Variants in NALF1 observed in about 807,000 individuals in gnomAD.
NALF1 encodes the protein NALCN channel auxiliary factor 1.
A neutral mutation model predicts 48.4 loss-of-function variants in NALF1; 3 were observed. The ratio of observed to expected loss-of-function variants is 0.06; its 90% CI spans 0.03 to 0.16. NALF1 has a LOEUF of 0.16. Among genes scored for constraint, NALF1 ranks in the 10% least tolerant of loss-of-function variants. The pLI, the probability that NALF1 is intolerant of heterozygous loss-of-function variation, is 1.00. For missense variants in NALF1, 526 were observed against 571.5 expected, an observed-to-expected ratio of 0.92 and a Z score of 0.81; for synonymous variants, 262 against 245.7, an observed-to-expected ratio of 1.07 and a Z score of -0.62.
chr13:107,791,872 A>T (rs955810890), intron 1 of NALF1, among the ~76,000 whole-genome samples: 1 of 152,068 alleles, frequency 6.6e-6, no homozygotes, highest in African/African-American at 2.4e-5. Context: ...AGGCAGAAGA[A>T]TTGCTTGAAC....
intron 1 of NALF1, among the ~76,000 whole-genome samples, chr13:107,682,382 G>A (rs2138496929): frequency 6.6e-6 from 1 of 152,250 alleles, no homozygotes; most frequent in African/African-American, 2.4e-5. Flanking sequence ...CTCATCCTGA[G>A]GCTCTTCTAG....
At chr13:107,325,905 CACAT>C (rs1325879803) in intron 1 of NALF1, among the ~76,000 whole-genome samples, 7 of 135,518 alleles carry the variant, frequency 5.2e-5, no homozygotes, top group Admixed American at 1.5e-4. Context: ...CACACACACA[CACAT>C]ATATACATAT....
intron 1 of NALF1, among the ~76,000 whole-genome samples, chr13:107,636,227 T>A (rs1879972984): frequency 6.6e-6 from 1 of 152,124 alleles, no homozygotes; most frequent in Non-Finnish European, 1.5e-5. Flanking sequence ...CACGGCCGAA[T>A]TATTGAATCC....
At chr13:107,244,306 C>T (rs1400640634) in intron 1 of NALF1, among the ~76,000 whole-genome samples, 1 of 152,174 alleles carries the variant, frequency 6.6e-6, no homozygotes, top group East Asian at 1.9e-4. Flanking sequence ...TTCAAAGAGG[C>T]ACACCATTGA....
At chr13:107,659,499 AT>A (rs1399767988) in intron 1 of NALF1, among the ~76,000 whole-genome samples, 1 of 120,096 alleles carries the variant, frequency 8.3e-6, no homozygotes, top group Non-Finnish European at 1.7e-5. Flanking sequence ...CCCCTATAGC[AT>A]TTATTTGGCA....
chr13:107,456,573 C>T (rs1212913756), intron 1 of NALF1, among the ~76,000 whole-genome samples: 1 of 152,172 alleles, frequency 6.6e-6, no homozygotes, highest in Non-Finnish European at 1.5e-5. Context: ...ATGGAGAAAA[C>T]TTTCCCACCC....
At chr13:107,259,909 T>C (rs1880897488) in intron 1 of NALF1, among the ~76,000 whole-genome samples, 1 of 152,214 alleles carries the variant, frequency 6.6e-6, no homozygotes, top group Non-Finnish European at 1.5e-5. Context: ...CTACACTCCA[T>C]GAGAGCAAGC....
intron 1 of NALF1, among the ~76,000 whole-genome samples, chr13:107,235,974 G>T (rs867092428): frequency 1.3e-5 from 2 of 152,154 alleles, no homozygotes; most frequent in Non-Finnish European, 2.9e-5. Context: ...ATTGTAGAAC[G>T]TGAAGTCATT....
At chr13:107,678,269 C>T (rs1266932271) in intron 1 of NALF1, among the ~76,000 whole-genome samples, 2 of 152,088 alleles carry the variant, frequency 1.3e-5, no homozygotes, top group South Asian at 2.1e-4. Context: ...GTGTGCTCAG[C>T]GTATGGCCGG....
intron 1 of NALF1, among the ~76,000 whole-genome samples, chr13:107,793,133 G>T (rs886738124): frequency 6.6e-6 from 1 of 152,120 alleles, no homozygotes; most frequent in Non-Finnish European, 1.5e-5. Context: ...ACATTAATAA[G>T]AGACAGTTGA....
chr13:107,634,957 T>C (rs1879934710), intron 1 of NALF1, among the ~76,000 whole-genome samples: 1 of 152,152 alleles, frequency 6.6e-6, no homozygotes. Flanking sequence ...AGATTATAGT[T>C]ACACAAACAA....
intron 1 of NALF1, among the ~76,000 whole-genome samples, chr13:107,694,237 G>T (rs1036128146): frequency 6.6e-6 from 1 of 152,146 alleles, no homozygotes; most frequent in Non-Finnish European, 1.5e-5. Context: ...CTCGATCCAT[G>T]TTTTCAAATC....
chr13:107,800,204 G>A (rs183076330), intron 1 of NALF1, among the ~76,000 whole-genome samples: 5 of 152,232 alleles, frequency 3.3e-5, no homozygotes, highest in East Asian at 1.9e-4. Flanking sequence ...TTTGTCTCAG[G>A]TGTCATTTAC....
rs528010535 is a variant in NALF1 at position 107,704,944 on chromosome 13, T to G, written c.915+160738A>C. Among the ~76,000 whole-genome samples the G allele has an allele frequency of 4.6e-5, 7 of 152,282 alleles. No homozygotes were observed. The South Asian group carries it at 1.2e-3, about 27-fold the overall frequency. On this transcript the variant is annotated intron_variant, in intron 1 of 2. Coordinates refer to ENST00000375915, the MANE Select transcript of NALF1 (RefSeq NM_001080396.3). ...TGCAAACAGAATTTCAATCAGTCTT[T>G]CTATTATTAGTGTCATGCCTGGCCT...
chr13:107,633,247 A>G (rs1879881089), intron 1 of NALF1, among the ~76,000 whole-genome samples: 1 of 152,242 alleles, frequency 6.6e-6, no homozygotes, highest in South Asian at 2.1e-4. Context: ...AAATACATAT[A>G]TAAAACACAA....
chr13:107,679,687 T>G (rs1333726711), intron 1 of NALF1, among the ~76,000 whole-genome samples: 2 of 152,138 alleles, frequency 1.3e-5, no homozygotes, highest in Non-Finnish European at 2.9e-5. Context: ...CAGCTCCCAC[T>G]GTGGTGCTGC....
intron 1 of NALF1, among the ~76,000 whole-genome samples, chr13:107,810,384 T>C (rs1049125333): frequency 5.9e-5 from 9 of 152,042 alleles, no homozygotes; most frequent in Non-Finnish European, 1.3e-4. Context: ...CATCCTGAAG[T>C]CTATCTCTCC....
chr13:107,440,395 C>T (rs975087835), intron 1 of NALF1, among the ~76,000 whole-genome samples: 1 of 152,130 alleles, frequency 6.6e-6, no homozygotes, highest in African/African-American at 2.4e-5. Context: ...GCATAGGTGG[C>T]GCGACGAAGC....
At chr13:107,485,730 A>G (rs1261335342) in intron 1 of NALF1, among the ~76,000 whole-genome samples, 1 of 152,182 alleles carries the variant, frequency 6.6e-6, no homozygotes, top group Non-Finnish European at 1.5e-5. Flanking sequence ...ATCTGTACAC[A>G]ACTTCTTTAA....
Sources: gnomAD v4.1 joint callset for allele counts (sites outside exome capture counted in the v4.1 genomes callset) on GRCh38, gnomAD v4.1.1 for gene constraint, MANE v1.5 for transcripts, NCBI Gene and HGNC (gene_info 2026-07-23, HGNC 2026-07-21) for gene names.